Variants in SCAPER observed in about 807,000 individuals in gnomAD.
SCAPER encodes S-phase cyclin A associated protein in the ER.
Under a neutral mutation model 182.2 loss-of-function variants are expected in SCAPER, and 98 were observed. That is an observed-to-expected ratio of 0.54 (90% confidence interval 0.46 to 0.64). SCAPER has a LOEUF of 0.64. Ranked by LOEUF, SCAPER falls within the 30% of genes least tolerant of loss-of-function variation. The probability of loss-of-function intolerance (pLI) is 0.00; values close to 1 mark genes in which losing one functional copy is unlikely to be tolerated. For missense variants in SCAPER, 1,432 were observed against 1,690.0 expected (o/e 0.85, Z 2.68); for synonymous variants, 605 against 564.6 (o/e 1.07, Z -1.01).
intron 27 of SCAPER, among the ~76,000 whole-genome samples, chr15:76,395,005 A>AC: frequency 6.7e-6 from 1 of 149,892 alleles, no homozygotes; most frequent in Non-Finnish European, 1.5e-5. Context: ...CCCACCCACT[A>AC]CCCTTCCCAG....
intron 23 of SCAPER, among the ~76,000 whole-genome samples, chr15:76,557,152 C>T (rs915157706): frequency 3.9e-5 from 6 of 152,052 alleles, no homozygotes; most frequent in African/African-American, 7.2e-5. Flanking sequence ...ATCCACAGGA[C>T]GAATCAATAT....
At chr15:76,381,042 C>A (rs1183332562) in intron 28 of SCAPER, 1 of 157,786 alleles carries the variant, frequency 6.3e-6, no homozygotes, top group Admixed American at 6.5e-5. Context: ...AAAGGATGAA[C>A]ATAGGCTTTG....
chr15:76,652,553 ACACACAC>A (rs1288377522), intron 21 of SCAPER, among the ~76,000 whole-genome samples: 1 of 144,914 alleles, frequency 6.9e-6, no homozygotes, highest in East Asian at 2.0e-4. Context: ...ACACACACAC[ACACACAC>A]ATTAGCCGGG....
chr15:76,530,581 A>C (rs1265331270), intron 23 of SCAPER, among the ~76,000 whole-genome samples: 1 of 152,200 alleles, frequency 6.6e-6, no homozygotes, highest in Non-Finnish European at 1.5e-5. Context: ...GGTCACACTT[A>C]GGAGGGTCTT....
At chr15:76,604,612 T>C (rs1357544084) in intron 22 of SCAPER, among the ~76,000 whole-genome samples, 2 of 150,228 alleles carry the variant, frequency 1.3e-5, no homozygotes, top group African/African-American at 4.8e-5. Flanking sequence ...TAAATTACCT[T>C]GGGCAGTATG....
At chr15:76,438,785 C>T (rs1596620282) in intron 25 of SCAPER, among the ~76,000 whole-genome samples, 1 of 152,282 alleles carries the variant, frequency 6.6e-6, no homozygotes, top group Admixed American at 6.5e-5. Context: ...CCAGTTCAAG[C>T]ACCGAAGCAA....
At position 76,728,587 on chromosome 15, in the gene SCAPER, T is replaced by C. The variant is rs536188710; in HGVS notation, c.2165+8A>G. 1 of 1,606,426 alleles carries C rather than the reference T, an allele frequency of 6.2e-7. No individual in the cohort carries two copies. Among genetic ancestry groups the C allele is most frequent in the South Asian group, 1.1e-5 (1 of 90,868 alleles). ...GCAAAATGTTCATCAAGATAGCAAATGAGATACCTAGCTCTTTCCCGGGCT... is the reference window on the plus strand; with the variant it reads ...GCAAAATGTTCATCAAGATAGCAAACGAGATACCTAGCTCTTTCCCGGGCT... On this transcript the variant is annotated splice_region_variant and intron_variant, in intron 17 of 31. Transcript: ENST00000563290.
At chr15:76,404,716 A>C (rs769621229) in intron 26 of SCAPER, 37 bp from the exon 27 acceptor site, 3 of 1,589,334 alleles carry the variant, frequency 1.9e-6, no homozygotes, top group Non-Finnish European at 2.6e-6. Flanking sequence ...ATCAATCTGA[A>C]TAGGCCAGCA....
rs1471676553 is a variant in SCAPER at position 76,810,346 on chromosome 15, T to C, written c.394-5713A>G. Reference sequence around the variant, plus strand: ...AAATAATTATAAATTGTGACATCAATACTATTTATAATGTGGGAGCAAGAG... The same window carrying C: ...AAATAATTATAAATTGTGACATCAACACTATTTATAATGTGGGAGCAAGAG... On this transcript the variant is annotated intron_variant, in intron 5 of 31. Coordinates refer to ENST00000563290, the MANE Select transcript of SCAPER (RefSeq NM_020843.4). 9.2e-5 allele frequency among the ~76,000 whole-genome samples: 14 copies of C among 152,046 alleles called. 1 individual carries two copies. The East Asian group carries it at 2.5e-3, about 27-fold the overall frequency.
rs534298762 is a variant in SCAPER, at chr15:76,604,667, G to A, written c.2711+17097C>T. On this transcript the variant is annotated intron_variant, in intron 22 of 31. Coordinates refer to ENST00000563290, the MANE Select transcript of SCAPER (RefSeq NM_020843.4). ...TTCTTCTTACCCATGAGCATGGAAT[G>A]TTCTTCCATTTGTCTGTATCCTCCT... is the stretch of plus-strand genomic sequence containing the variant. Among the ~76,000 whole-genome samples, 216 of 152,162 alleles carry A rather than the reference G, an allele frequency of 1.4e-3. 1 individual carries two copies. Among genetic ancestry groups the A allele is most frequent in the African/African-American group, 4.7e-3 (197 of 41,516 alleles).
intron 21 of SCAPER, among the ~76,000 whole-genome samples, chr15:76,622,322 G>T (rs934407684): frequency 2.0e-5 from 3 of 151,944 alleles, no homozygotes; most frequent in Non-Finnish European, 2.9e-5. Flanking sequence ...AATGTTAACT[G>T]CTCATCCAAA....
At chr15:76,728,820 T>C (rs999217828) in intron 16 of SCAPER, 83 bp from the exon 17 acceptor site, 2 of 1,427,308 alleles carry the variant, frequency 1.4e-6, no homozygotes, top group Non-Finnish European at 1.9e-6. Context: ...TTCACCAAAC[T>C]TACATGTTCA....
At chr15:76,799,416 C>G (rs182590947) in intron 7 of SCAPER, among the ~76,000 whole-genome samples, 2 of 149,668 alleles carry the variant, frequency 1.3e-5, no homozygotes, top group East Asian at 3.9e-4. Flanking sequence ...GCACATGCCA[C>G]GACACATGGC....
At chr15:76,627,374 C>A (rs2052683805) in intron 21 of SCAPER, among the ~76,000 whole-genome samples, 1 of 151,996 alleles carries the variant, frequency 6.6e-6, no homozygotes, top group Non-Finnish European at 1.5e-5. Flanking sequence ...TGGGGGTGCA[C>A]CTATCAATCC....
chr15:76,864,721 C>T (rs1390618608), intron 2 of SCAPER, among the ~76,000 whole-genome samples: 1 of 151,630 alleles, frequency 6.6e-6, no homozygotes. Context: ...TTAGGCTTTG[C>T]AGGCCATAAG....
chr15:76,781,496 C>G (rs1208778385), intron 8 of SCAPER, among the ~76,000 whole-genome samples: 1 of 152,150 alleles, frequency 6.6e-6, no homozygotes, highest in African/African-American at 2.4e-5. Context: ...CTTCCCCAAC[C>G]TAGCAAGACA....
chr15:76,482,829 C>T (rs1401816954), intron 24 of SCAPER, among the ~76,000 whole-genome samples: 1 of 151,952 alleles, frequency 6.6e-6, no homozygotes, highest in Non-Finnish European at 1.5e-5. Flanking sequence ...TGAGGGAAAA[C>T]TATAAAACTC....
intron 23 of SCAPER, among the ~76,000 whole-genome samples, chr15:76,505,363 A>G (rs1022989727): frequency 6.6e-6 from 1 of 152,194 alleles, no homozygotes; most frequent in Middle Eastern, 3.2e-3. Flanking sequence ...AGGGATTAAC[A>G]ACCAGAATAT....
chr15:76,407,766 T>C (rs192593631), intron 26 of SCAPER, among the ~76,000 whole-genome samples: 65 of 152,310 alleles, frequency 4.3e-4, no homozygotes, highest in African/African-American at 1.4e-3. Flanking sequence ...TTCTATGTCA[T>C]GAAAACATCT....
Sources: gnomAD v4.1 joint callset for allele counts (sites outside exome capture counted in the v4.1 genomes callset) on GRCh38, gnomAD v4.1.1 for gene constraint, MANE v1.5 for transcripts, NCBI Gene and HGNC (gene_info 2026-07-23, HGNC 2026-07-21) for gene names.